Variants in ERBIN observed in about 807,000 individuals in gnomAD.
The protein encoded by ERBIN is erbb2 interacting protein.
In ERBIN, 60 loss-of-function variants were observed where a neutral mutation model predicts 158.4. The observed-to-expected ratio is 0.38, with a 90% CI of 0.31 to 0.47. The LOEUF (loss-of-function observed/expected upper bound fraction) is 0.47. Among genes scored for constraint, ERBIN ranks in the 20% least tolerant of loss-of-function variants. The pLI is 0.99. For synonymous variants in ERBIN, 594 were observed against 557.2 expected, an observed-to-expected ratio of 1.07 and a Z score of -0.93; for missense variants, 1,610 against 1,648.0, an observed-to-expected ratio of 0.98 and a Z score of 0.40.
intron 8 of ERBIN, among the ~76,000 whole-genome samples, chr5:66,022,650 G>A (rs1755822341): frequency 6.6e-6 from 1 of 152,140 alleles, no homozygotes; most frequent in South Asian, 2.1e-4. Flanking sequence ...ATTTTGCCTG[G>A]ATATGAAGGT....
intron 8 of ERBIN, 143 bp from the exon 9 acceptor site, chr5:66,023,147 T>C: frequency 1.6e-6 from 1 of 631,856 alleles, no homozygotes; most frequent in Non-Finnish European, 2.8e-6. Context: ...GGCTCTTCTT[T>C]TTTATTTTTC....
intron 9 of ERBIN, among the ~76,000 whole-genome samples, chr5:66,023,647 T>G (rs954788333): frequency 4.6e-5 from 7 of 151,784 alleles, no homozygotes; most frequent in Non-Finnish European, 1.0e-4. Flanking sequence ...ATTGGTAAAC[T>G]AGGATATTTT....
chr5:66,074,960 A>G, intron 22 of ERBIN, 64 bp from the exon 23 acceptor site: 2 of 1,479,624 alleles, frequency 1.4e-6, no homozygotes, highest in Non-Finnish European at 1.9e-6. Context: ...TCCAAGAAGA[A>G]ATCCAAATAT....
At chr5:66,002,615 T>C (rs1227250774) in intron 4 of ERBIN, among the ~76,000 whole-genome samples, 1 of 152,214 alleles carries the variant, frequency 6.6e-6, no homozygotes, top group East Asian at 1.9e-4. Context: ...AACCAAGGTA[T>C]TTCTTTTTAG....
At chr5:65,989,623 T>C (rs1210432720) in intron 2 of ERBIN, among the ~76,000 whole-genome samples, 1 of 152,248 alleles carries the variant, frequency 6.6e-6, no homozygotes, top group African/African-American at 2.4e-5. Flanking sequence ...CCATGAACAA[T>C]TACTTGACCC....
chr5:65,948,925 G>A (rs557173933), intron 1 of ERBIN, among the ~76,000 whole-genome samples: 7 of 151,860 alleles, frequency 4.6e-5, no homozygotes, highest in African/African-American at 1.7e-4. Flanking sequence ...CACCATGTCC[G>A]GCTAATTTTT....
intron 14 of ERBIN, among the ~76,000 whole-genome samples, chr5:66,032,299 C>T (rs1490537825): frequency 6.6e-6 from 1 of 152,066 alleles, no homozygotes; most frequent in Admixed American, 6.6e-5. Flanking sequence ...TGAGTGGCTT[C>T]CTGAAAAATT....
chr5:65,961,779 TG>T (rs1747953506), intron 1 of ERBIN, among the ~76,000 whole-genome samples: 1 of 152,158 alleles, frequency 6.6e-6, no homozygotes, highest in Admixed American at 6.5e-5. Flanking sequence ...TGTGTGGTGA[TG>T]AATTTTAGGT....
chr5:66,064,502 A>G (rs1760789199), intron 21 of ERBIN, among the ~76,000 whole-genome samples: 1 of 152,158 alleles, frequency 6.6e-6, no homozygotes, highest in Non-Finnish European at 1.5e-5. Context: ...GAGTTAAGTA[A>G]TTTTCCCAGG....
chr5:66,023,084 T>C (rs1755867303), intron 8 of ERBIN: 2 of 419,746 alleles, frequency 4.8e-6, no homozygotes, highest in Non-Finnish European at 8.3e-6. Context: ...TTAATAATTT[T>C]CTATAATAAT....
rs1561463612 is a variant in ERBIN, at chr5:66,076,956, AAAAT to A, written c.4131+12_4131+15del. On this transcript the variant is annotated splice_region_variant and intron_variant, in intron 25 of 25. Coordinates refer to ENST00000284037, the MANE Select transcript of ERBIN (RefSeq NM_001253697.2). ...AGGTGATAAAATTATTCAGGTAATT[AAAAT>A]AAATCTTTTTTTTTTTCATTTTATA... 6.4e-7 allele frequency: 1 copy of A among 1,567,702 alleles called. No homozygotes were observed. Among genetic ancestry groups the A allele is most frequent in the African/African-American group, 1.4e-5 (1 of 69,138 alleles).
Position 66,053,387 on chromosome 5 carries a change from A to G in ERBIN, c.2088-19A>G. The stretch of plus-strand genomic sequence containing the variant: ...AACTCGGCTTTATTATGTTTTTCAT[A>G]AAATTATCTTTATTTTAGGCAAGAA... On this transcript the variant is annotated intron_variant, in intron 20 of 25. Coordinates refer to ENST00000284037, the MANE Select transcript of ERBIN (RefSeq NM_001253697.2). The G allele has an allele frequency of 7.2e-7, 1 of 1,388,448 alleles. No homozygotes were observed. The highest frequency in any genetic ancestry group is 9.5e-7 in the Non-Finnish European group (1 of 1,048,370). The allele number at this position is 1,388,448 out of a possible 1,614,324, so 86.0% of individuals were successfully genotyped here. A position where few individuals can be genotyped will look rare whatever the true frequency, so the allele number is the denominator to read the frequency against.
intron 1 of ERBIN, among the ~76,000 whole-genome samples, chr5:65,931,396 T>C (rs1277651596): frequency 1.3e-5 from 2 of 152,192 alleles, no homozygotes; most frequent in Non-Finnish European, 2.9e-5. Context: ...TGGGACAACT[T>C]ACTTTGAGGC....
chr5:66,053,967 C>G lies in ERBIN; in HGVS notation c.2649C>G (p.Ile883Met), dbSNP rs778272526. The change falls in exon 21 of 26, where the codon ATC becomes ATG. Residue 883 changes from isoleucine to methionine, a missense_variant. Around this residue, in one of 2 missense-constraint regions of ERBIN, gnomAD observed 1,014 missense variants for 936.1 expected, o/e 1.08. Coordinates refer to ENST00000284037, the MANE Select transcript of ERBIN (RefSeq NM_001253697.2). ...ATATGGAGATTGGAGGGCTAAAAAT[C>G]TATGATATTCTTAGTGATAATGGAC... ...ITNMEIGGLK[I>M]YDILSDNGPQ... The G allele has an allele frequency of 3.7e-6, 6 of 1,614,086 alleles. No individual in the cohort carries two copies. The East Asian group carries it at 1.3e-4, about 36-fold the overall frequency.
chr5:65,968,280 G>A (rs1259362497), intron 1 of ERBIN, among the ~76,000 whole-genome samples: 4 of 152,060 alleles, frequency 2.6e-5, no homozygotes, highest in East Asian at 1.9e-4. Context: ...TTCTCTGTCC[G>A]GCACGGTGAG....
At chr5:65,985,166 T>G (rs1751085532) in intron 1 of ERBIN, among the ~76,000 whole-genome samples, 1 of 152,234 alleles carries the variant, frequency 6.6e-6, no homozygotes, top group Non-Finnish European at 1.5e-5. Context: ...CAATCTTGGC[T>G]CACTCCAGCC....
intron 15 of ERBIN, 37 bp from the exon 16 acceptor site, chr5:66,043,040 A>G: frequency 6.8e-7 from 1 of 1,465,098 alleles, no homozygotes; most frequent in Non-Finnish European, 9.4e-7. Flanking sequence ...TAATTACAGT[A>G]AAATATAGTA....
At chr5:66,052,035 C>T (rs1030405625) in intron 20 of ERBIN, among the ~76,000 whole-genome samples, 2 of 151,190 alleles carry the variant, frequency 1.3e-5, no homozygotes, top group Non-Finnish European at 2.9e-5. Context: ...GAAACCATGT[C>T]TCTACAAAAA....
chr5:65,990,126 G>C (rs1222569782), intron 2 of ERBIN, among the ~76,000 whole-genome samples: 1 of 152,164 alleles, frequency 6.6e-6, no homozygotes, highest in Non-Finnish European at 1.5e-5. Context: ...TTTGACATCT[G>C]AGTTTCTTTT....
Sources: allele counts gnomAD v4.1 joint callset (sites outside exome capture counted in the v4.1 genomes callset), GRCh38; gene constraint gnomAD v4.1.1; regional missense constraint gnomAD v4.1.1; transcripts MANE v1.5; gene names NCBI Gene and HGNC (gene_info 2026-07-23, HGNC 2026-07-21).